The following LARGE1 variants were observed in gnomAD, a reference collection of about 807,000 sequenced individuals.
LARGE1 encodes the protein LARGE xylosyl- and glucuronyltransferase 1.
In LARGE1, 43 loss-of-function variants were observed where a neutral mutation model predicts 87.6. The ratio of observed to expected loss-of-function variants is 0.49; its 90% CI spans 0.38 to 0.63. LARGE1 has a LOEUF of 0.63. Ranked by LOEUF, LARGE1 falls within the 30% of genes least tolerant of loss-of-function variation. The pLI is 0.00. For synonymous variants in LARGE1, 434 were observed against 394.6 expected, an observed-to-expected ratio of 1.10 and a Z score of -1.18; for missense variants, 802 against 1,000.2, an observed-to-expected ratio of 0.80 and a Z score of 2.67.
chr22:33,175,548 AT>A (rs1922818809), intron 11 of LARGE1, among the ~76,000 whole-genome samples: 1 of 152,202 alleles, frequency 6.6e-6, no homozygotes, highest in Admixed American at 6.5e-5. Context: ...GTGAACTCCC[AT>A]TCACAATTGC....
intron 6 of LARGE1, among the ~76,000 whole-genome samples, chr22:33,454,076 T>C (rs1206597269): frequency 6.6e-6 from 1 of 152,188 alleles, no homozygotes; most frequent in Non-Finnish European, 1.5e-5. Context: ...GGCCCTGATT[T>C]AACATATGAG....
intron 12 of LARGE1, among the ~76,000 whole-genome samples, chr22:33,294,331 T>C (rs1390587730): frequency 2.0e-5 from 3 of 152,196 alleles, no homozygotes; most frequent in African/African-American, 7.2e-5. Context: ...AGCCCTGGGT[T>C]TCCACAGCCC....
intron 6 of LARGE1, among the ~76,000 whole-genome samples, chr22:33,557,167 C>T (rs578168183): frequency 1.1e-4 from 16 of 152,214 alleles, no homozygotes; most frequent in African/African-American, 3.4e-4. Flanking sequence ...ACAACAAAAA[C>T]GAGGCTCTGA....
chr22:33,334,909 T>A (rs975279955), intron 10 of LARGE1, among the ~76,000 whole-genome samples: 1 of 152,160 alleles, frequency 6.6e-6, no homozygotes, highest in African/African-American at 2.4e-5. Context: ...TGGTCACGGA[T>A]TCCGAGAAAG....
intron 6 of LARGE1, among the ~76,000 whole-genome samples, chr22:33,540,121 CTCTT>C (rs1229805533): frequency 6.6e-6 from 1 of 152,156 alleles, no homozygotes; most frequent in African/African-American, 2.4e-5. Context: ...TACTCCCCTT[CTCTT>C]TCTATGAATA....
At chr22:33,669,137 C>A (rs2081340604) in intron 2 of LARGE1, among the ~76,000 whole-genome samples, 1 of 152,256 alleles carries the variant, frequency 6.6e-6, no homozygotes, top group African/African-American at 2.4e-5. Context: ...AGAAGAGTTA[C>A]TAGCGATGTT....
upstream of LARGE1, among the ~76,000 whole-genome samples, chr22:33,920,827 C>A (rs866076760): frequency 0.025 from 3,592 of 145,030 alleles, 67 homozygotes; most frequent in Non-Finnish European, 0.038. Context: ...GCCGCTGCAG[C>A]CGCCGCGGGC....
At chr22:33,205,128 C>T (rs1156796934) in intron 11 of LARGE1, among the ~76,000 whole-genome samples, 2 of 152,172 alleles carry the variant, frequency 1.3e-5, no homozygotes, top group East Asian at 3.8e-4. Flanking sequence ...CAAAATCATA[C>T]TCTTTCTTTA....
intron 11 of LARGE1, among the ~76,000 whole-genome samples, chr22:33,193,877 T>C (rs1923923088): frequency 7.0e-6 from 1 of 143,498 alleles, no homozygotes; most frequent in Non-Finnish European, 1.6e-5. Flanking sequence ...ATATTATATA[T>C]AATGTTTTAT....
In LARGE1 at chr22:33,861,860, CTT is replaced by C. The variant is rs59657748; in HGVS notation, c.-83+58133_-83+58134del. Among the ~76,000 whole-genome samples, 193 of 117,194 alleles carry C rather than the reference CTT, an allele frequency of 1.6e-3. 2 individuals carry two copies. Among genetic ancestry groups the C allele is most frequent in the African/African-American group, 3.6e-3 (105 of 29,176 alleles). The allele number at this position is 117,194 out of a possible 152,430, so 76.9% of individuals were successfully genotyped here. A position where few individuals can be genotyped will look rare whatever the true frequency, so the allele number is the denominator to read the frequency against. ...AAGTGGATTTTGGGACCCAGACATT[CTT>C]TTTTTTTTTTTTTTTTTTTGAGACA... On this transcript the variant is annotated intron_variant, in intron 1 of 14. Transcript: ENST00000397394.
chr22:33,792,724 T>C (rs899522492), intron 1 of LARGE1, among the ~76,000 whole-genome samples: 1 of 152,178 alleles, frequency 6.6e-6, no homozygotes, highest in African/African-American at 2.4e-5. Context: ...TTTGAAACTC[T>C]TCCTCCATAG....
intron 6 of LARGE1, among the ~76,000 whole-genome samples, chr22:33,490,574 C>T (rs771400950): frequency 4.6e-5 from 7 of 152,204 alleles, no homozygotes; most frequent in Non-Finnish European, 8.8e-5. Context: ...TTATCCAGTA[C>T]ACTGCTGCAA....
chr22:33,382,340 C>A (rs2065186737), intron 8 of LARGE1, among the ~76,000 whole-genome samples: 1 of 152,150 alleles, frequency 6.6e-6, no homozygotes, highest in Admixed American at 6.5e-5. Context: ...GTCTTCCCTA[C>A]CCTCACTGGC....
chr22:33,254,421 T>C (rs1490340071), intron 11 of LARGE1, among the ~76,000 whole-genome samples: 1 of 152,228 alleles, frequency 6.6e-6, no homozygotes, highest in Non-Finnish European at 1.5e-5. Context: ...ACAGAGGTTG[T>C]GGGTCAGAGT....
intron 2 of LARGE1, among the ~76,000 whole-genome samples, chr22:33,735,345 C>T (rs1293112275): frequency 2.0e-5 from 3 of 152,184 alleles, no homozygotes; most frequent in African/African-American, 7.2e-5. Context: ...ATTTCTAAAC[C>T]ACCCCTTTGA....
chr22:33,525,979 C>T (rs920723731), intron 6 of LARGE1, among the ~76,000 whole-genome samples: 1 of 152,122 alleles, frequency 6.6e-6, no homozygotes, highest in African/African-American at 2.4e-5. Flanking sequence ...AAACTATGTA[C>T]AGAAATATTC....
At chr22:33,872,843 C>CA (rs1205209675) in intron 1 of LARGE1, among the ~76,000 whole-genome samples, 2 of 151,894 alleles carry the variant, frequency 1.3e-5, no homozygotes, top group Admixed American at 1.3e-4. Context: ...ACTGAAAACA[C>CA]AAAAAAATAA....
In LARGE1 at chr22:33,750,868, T is replaced by A. The variant is rs139054431; in HGVS notation, c.106+10503A>T. The stretch of plus-strand genomic sequence containing the variant: ...GGTGAATATCTGTCCAAATGGTATA[T>A]CAGAAAGGAAAAAAGCCAATGTCAT... On this transcript the variant is annotated intron_variant, in intron 2 of 14. Transcript: ENST00000397394. 366 of 152,120 alleles carry A rather than the reference T, an allele frequency of 2.4e-3. 1 individual carries two copies. The highest frequency in any genetic ancestry group is 8.3e-3 in the African/African-American group (345 of 41,490). 9.4% of individuals were successfully genotyped at this position (152,120 alleles called of 1,614,324 possible).
chr22:33,251,262 G>T (rs1926998835), intron 11 of LARGE1, among the ~76,000 whole-genome samples: 1 of 152,168 alleles, frequency 6.6e-6, no homozygotes, highest in Admixed American at 6.5e-5. Flanking sequence ...GGAGCTCATT[G>T]TTAAGAAAGA....
Sources: gnomAD v4.1 joint callset for allele counts (sites outside exome capture counted in the v4.1 genomes callset) on GRCh38, gnomAD v4.1.1 for gene constraint, MANE v1.5 for transcripts, NCBI Gene and HGNC (gene_info 2026-07-23, HGNC 2026-07-21) for gene names.